The following FTO variants were observed in gnomAD, a reference collection of about 807,000 sequenced individuals.
The protein encoded by FTO is alpha-ketoglutarate-dependent dioxygenase FTO.
FTO carries 47 observed loss-of-function variants against 63.9 expected under a neutral mutation model. That is an observed-to-expected ratio of 0.74 (90% CI 0.58 to 0.94). FTO has a LOEUF of 0.94. Among genes scored for constraint, FTO ranks in the 40% least tolerant of loss-of-function variants. The pLI is 0.00. For missense variants in FTO, 562 were observed against 618.1 expected (o/e 0.91, Z 0.96); for synonymous variants, 207 against 224.4 (o/e 0.92, Z 0.69).
At chr16:53,951,998 G>C (rs2082813055) in intron 8 of FTO, among the ~76,000 whole-genome samples, 1 of 152,160 alleles carries the variant, frequency 6.6e-6, no homozygotes, top group African/African-American at 2.4e-5. Context: ...TTATGAAGAA[G>C]ATGCTGATCA....
chr16:53,905,554 C>T (rs948262341), intron 7 of FTO, among the ~76,000 whole-genome samples: 4 of 152,238 alleles, frequency 2.6e-5, no homozygotes, highest in Non-Finnish European at 5.9e-5. Context: ...CTTAGACTCT[C>T]ATCTTAGGTT....
At chr16:53,904,670 G>A (rs2081492088) in intron 7 of FTO, among the ~76,000 whole-genome samples, 2 of 152,162 alleles carry the variant, frequency 1.3e-5, no homozygotes, top group African/African-American at 4.8e-5. Flanking sequence ...AAGGTGAAGG[G>A]AGGGCTCCCC....
At chr16:54,039,484 C>T (rs546968198) in intron 8 of FTO, 1 of 152,330 alleles carries the variant, frequency 6.6e-6, no homozygotes, top group South Asian at 2.1e-4. Context: ...TCCTATAGGG[C>T]CCATGTGGCC....
At chr16:53,791,739 C>G (rs1300992932) in intron 1 of FTO, among the ~76,000 whole-genome samples, 1 of 152,114 alleles carries the variant, frequency 6.6e-6, no homozygotes, top group Non-Finnish European at 1.5e-5. Flanking sequence ...GATGAAGTTA[C>G]AGAGTTTTAT....
At chr16:53,978,460 C>T (rs1288594544) in intron 8 of FTO, among the ~76,000 whole-genome samples, 1 of 152,086 alleles carries the variant, frequency 6.6e-6, no homozygotes, top group African/African-American at 2.4e-5. Context: ...ACATATGCTC[C>T]TTCATTATTT....
intron 7 of FTO, among the ~76,000 whole-genome samples, chr16:53,931,820 T>A (rs879844217): frequency 3.9e-4 from 59 of 151,940 alleles, no homozygotes; most frequent in African/African-American, 9.2e-4. Context: ...GGTATTTTTT[T>A]AAAAAATTTT....
chr16:53,853,389 AGTC>A (rs1288704236), intron 4 of FTO, among the ~76,000 whole-genome samples: 1 of 152,036 alleles, frequency 6.6e-6, no homozygotes, highest in Admixed American at 6.6e-5. Flanking sequence ...ATAGTGTTGA[AGTC>A]TGGTATTTTA....
chr16:54,015,343 T>G (rs1367365436), intron 8 of FTO, among the ~76,000 whole-genome samples: 1 of 152,220 alleles, frequency 6.6e-6, no homozygotes, highest in African/African-American at 2.4e-5. Context: ...GTGCGTCACC[T>G]ACACAAACAG....
At chr16:53,913,251 G>C (rs1050062009) in intron 7 of FTO, among the ~76,000 whole-genome samples, 1 of 152,164 alleles carries the variant, frequency 6.6e-6, no homozygotes, top group African/African-American at 2.4e-5. Flanking sequence ...CCCACAGTTT[G>C]GATCATCTCC....
chr16:54,111,755 C>T lies in FTO; in HGVS notation c.1365-7C>T. 6.2e-7 allele frequency: 1 copy of T among 1,614,152 alleles called. No individual in the cohort carries two copies. The highest frequency in any genetic ancestry group is 1.1e-5 in the South Asian group (1 of 91,074). On this transcript the variant is annotated splice_polypyrimidine_tract_variant and splice_region_variant and intron_variant, in intron 8 of 8. Coordinates refer to ENST00000471389, the MANE Select transcript of FTO (RefSeq NM_001080432.3). ...CGTGGATTAATTTCCTATTTTTACT[C>T]TTCCAGGTGCCAGTCACGAATTGCC... is the stretch of plus-strand genomic sequence containing the variant.
chr16:54,014,920 A>G (rs1383181223), intron 8 of FTO, among the ~76,000 whole-genome samples: 1 of 147,786 alleles, frequency 6.8e-6, no homozygotes, highest in African/African-American at 2.5e-5. Flanking sequence ...CAGTAGTGCA[A>G]TCACAGCTCG....
At chr16:53,952,369 G>C (rs1429193753) in intron 8 of FTO, among the ~76,000 whole-genome samples, 1 of 152,196 alleles carries the variant, frequency 6.6e-6, no homozygotes, top group Non-Finnish European at 1.5e-5. Context: ...CATAGCATAT[G>C]ATAATGCCAT....
intron 8 of FTO, chr16:53,993,875 C>T (rs2083871866): frequency 6.6e-6 from 1 of 152,162 alleles, no homozygotes; most frequent in Non-Finnish European, 1.5e-5. Context: ...CGGGATATAT[C>T]CCTAACCTGT....
At chr16:53,918,100 G>T (rs1209291307) in intron 7 of FTO, among the ~76,000 whole-genome samples, 2 of 152,062 alleles carry the variant, frequency 1.3e-5, no homozygotes, top group African/African-American at 2.4e-5. Context: ...ATATTTGTTA[G>T]TTATATCTTT....
Position 53,730,530 on chromosome 16 carries a change from C to T in FTO, c.45+26301C>T, listed in dbSNP as rs529052000. On this transcript the variant is annotated intron_variant, in intron 1 of 8. Transcript: ENST00000471389. ...TTTTTTTGAGACAGGGTCTCACTCT[C>T]CTTGCCTAGGCTGAAGTGCAGTGGC... Among the ~76,000 whole-genome samples, 13 of 151,426 alleles carry T rather than the reference C, an allele frequency of 8.6e-5. No individual in the cohort carries two copies. In the East Asian group the frequency reaches 2.3e-3, roughly 27 times the overall value.
intron 1 of FTO, among the ~76,000 whole-genome samples, chr16:53,765,872 T>C (rs1392350396): frequency 6.6e-6 from 1 of 152,112 alleles, no homozygotes; most frequent in Non-Finnish European, 1.5e-5. Flanking sequence ...TAGACTGCGG[T>C]AGATTTCGAT....
intron 1 of FTO, among the ~76,000 whole-genome samples, chr16:53,802,200 C>T (rs1047891267): frequency 2.6e-5 from 4 of 152,134 alleles, no homozygotes; most frequent in Admixed American, 6.6e-5. Context: ...AATGGCATGT[C>T]GCATTTGCAT....
At chr16:53,714,026 C>T (rs952858223) in intron 1 of FTO, among the ~76,000 whole-genome samples, 5 of 152,148 alleles carry the variant, frequency 3.3e-5, no homozygotes, top group Non-Finnish European at 5.9e-5. Flanking sequence ...AAATGACCTG[C>T]TTACAAGATA....
chr16:53,987,930 C>A (rs987998263), intron 8 of FTO, among the ~76,000 whole-genome samples: 2 of 152,192 alleles, frequency 1.3e-5, no homozygotes, highest in Non-Finnish European at 2.9e-5. Context: ...GTATATTAGT[C>A]TGAAAACAGC....
Sources: gnomAD v4.1 joint callset for allele counts (sites outside exome capture counted in the v4.1 genomes callset) on GRCh38, gnomAD v4.1.1 for gene constraint, MANE v1.5 for transcripts, NCBI Gene and HGNC (gene_info 2026-07-23, HGNC 2026-07-21) for gene names.